Variants in NPTX2 observed in about 807,000 individuals in gnomAD.
The protein encoded by NPTX2 is neuronal pentraxin-2.
In NPTX2, 23 loss-of-function variants were observed where a neutral mutation model predicts 38.1. The ratio of observed to expected loss-of-function variants is 0.60; its 90% CI spans 0.43 to 0.85. The LOEUF is 0.85. Among genes scored for constraint, NPTX2 ranks in the 40% least tolerant of loss-of-function variants. The pLI is 0.00. For missense variants in NPTX2, 553 were observed against 615.3 expected, an observed-to-expected ratio of 0.90 and a Z score of 1.07; for synonymous variants, 291 against 287.3, an observed-to-expected ratio of 1.01 and a Z score of -0.13.
intron 2 of NPTX2, among the ~76,000 whole-genome samples, chr7:98,624,104 G>A (rs1354694845): frequency 1.3e-5 from 2 of 152,120 alleles, no homozygotes; most frequent in Non-Finnish European, 2.9e-5. Flanking sequence ...CCACAGGTGT[G>A]TGCCACCCTA....
At chr7:98,627,123 C>T (rs767117131) in intron 3 of NPTX2, 42 bp from the exon 4 acceptor site, 12 of 1,471,736 alleles carry the variant, frequency 8.2e-6, no homozygotes, top group African/African-American at 5.5e-5. Flanking sequence ...ACCCTGAGGG[C>T]GTGGGCCCAG....
chr7:98,627,434 G>T, intron 4 of NPTX2, 90 bp downstream of exon 4: 1 of 1,105,998 alleles, frequency 9.0e-7, no homozygotes, highest in Non-Finnish European at 1.3e-6. Context: ...GTGCGAGGAG[G>T]GGCCAACTGA....
At chr7:98,624,871 G>T (rs557933421) in intron 2 of NPTX2, 51 bp from the exon 3 acceptor site, 1 of 1,576,332 alleles carries the variant, frequency 6.3e-7, no homozygotes, top group South Asian at 1.2e-5. Context: ...GTGCTGGTGG[G>T]TGGTGGGGTG....
chr7:98,621,799 C>T (rs57704357), intron 2 of NPTX2, among the ~76,000 whole-genome samples: 2,793 of 152,278 alleles, frequency 0.018, 58 homozygotes, highest in African/African-American at 0.044. Context: ...TTAGTTCAGA[C>T]GAGGGACTCA....
chr7:98,620,740 G>A (rs960489983), intron 2 of NPTX2, among the ~76,000 whole-genome samples: 3 of 152,082 alleles, frequency 2.0e-5, no homozygotes, highest in South Asian at 2.1e-4. Context: ...GCGTGGCTCC[G>A]TGGACCCAGC....
At chr7:98,618,101 G>A (rs1040793737) in intron 1 of NPTX2, among the ~76,000 whole-genome samples, 1 of 152,206 alleles carries the variant, frequency 6.6e-6, no homozygotes, top group African/African-American at 2.4e-5. Flanking sequence ...GCTCTTGCTG[G>A]AAGGAAACGT....
chr7:98,618,595 T>TTC (rs1791220273), intron 1 of NPTX2, among the ~76,000 whole-genome samples: 1 of 29,130 alleles, frequency 3.4e-5, no homozygotes, highest in Non-Finnish European at 6.6e-5. Context: ...TCCCCCTCCG[T>TTC]CCCCCCCCCC....
At chr7:98,626,732 C>T (rs960470969) in intron 3 of NPTX2, among the ~76,000 whole-genome samples, 2 of 152,094 alleles carry the variant, frequency 1.3e-5, no homozygotes, top group South Asian at 2.1e-4. Flanking sequence ...TACTCACACA[C>T]GTGCCGCTGC....
intron 1 of NPTX2, 122 bp from the exon 2 acceptor site, chr7:98,619,521 T>A (rs1261504865): frequency 1.3e-6 from 1 of 757,538 alleles, no homozygotes; most frequent in Non-Finnish European, 2.3e-6. Context: ...TGCCTGCCAG[T>A]GGCAAGATTC....
Position 98,628,518 on chromosome 7 carries a change from CACAA to C in NPTX2, c.1189_1192del (p.Asn397CysfsTer101), listed in dbSNP as rs775786188. On this transcript the variant is annotated frameshift_variant, in exon 5 of 5. Coordinates refer to ENST00000265634, the MANE Select transcript of NPTX2 (RefSeq NM_002523.3). LOFTEE classifies it high-confidence loss of function. ...AAATTGTCAACATCGCCAACTGCTC[CACAA>C]ACATGCCGGGCAACATCATCCCGTG... 6.2e-7 allele frequency: 1 copy of C among 1,611,320 alleles called. No individual in the cohort carries two copies. Among genetic ancestry groups the C allele is most frequent in the Non-Finnish European group, 8.5e-7 (1 of 1,178,014 alleles).
intron 2 of NPTX2, among the ~76,000 whole-genome samples, chr7:98,624,129 A>G (rs1791308844): frequency 6.6e-6 from 1 of 152,020 alleles, no homozygotes; most frequent in South Asian, 2.1e-4. Flanking sequence ...GCTAATTTTT[A>G]TATTTTTTGT....
rs1656004533 is a variant in NPTX2 at position 98,628,693 on chromosome 7, A to C, written c.*64A>C. The C allele has an allele frequency of 1.4e-6, 1 of 721,804 alleles. No homozygotes were observed. Among genetic ancestry groups the C allele is most frequent in the Admixed American group, 2.8e-5 (1 of 35,358 alleles). The allele number at this position is 721,804 out of a possible 1,614,324, so 44.7% of individuals were successfully genotyped here. A position where few individuals can be genotyped will look rare whatever the true frequency, so the allele number is the denominator to read the frequency against. ...TTGCCATGGAAGTTCAGGGCCATAG[A>C]CTGCCCCACTTAAACTCTTGTCAGT... On this transcript the variant is annotated 3_prime_UTR_variant, in exon 5 of 5. Transcript: ENST00000265634.
Position 98,620,106 on chromosome 7 carries a change from G to A in NPTX2, c.643+247G>A, listed in dbSNP as rs868488176. On this transcript the variant is annotated intron_variant, in intron 2 of 4. Coordinates refer to ENST00000265634, the MANE Select transcript of NPTX2 (RefSeq NM_002523.3). ...AGCTTCGATAAGCAACCACACGGGC[G>A]TTTCAGTCCTTTGTTAACTAGTCCT... The A allele has an allele frequency of 1.3e-4, 71 of 549,648 alleles. No homozygotes were observed. In the Middle Eastern group the frequency reaches 1.5e-3, roughly 11 times the overall value. The allele number at this position is 549,648 out of a possible 1,614,324, so 34.0% of individuals were successfully genotyped here. A position where few individuals can be genotyped will look rare whatever the true frequency, so the allele number is the denominator to read the frequency against.
At chr7:98,620,125 T>C (rs1402485345) in intron 2 of NPTX2, 1 of 506,548 alleles carries the variant, frequency 2.0e-6, no homozygotes, top group Non-Finnish European at 3.6e-6. Context: ...CTTTGTTAAC[T>C]AGTCCTGGCA....
At chr7:98,626,875 C>T (rs941747639) in intron 3 of NPTX2, among the ~76,000 whole-genome samples, 6 of 152,300 alleles carry the variant, frequency 3.9e-5, no homozygotes, top group Middle Eastern at 3.4e-3. Context: ...GCTGACTTCC[C>T]GAGTTTCTCT....
intron 3 of NPTX2, among the ~76,000 whole-genome samples, chr7:98,626,928 C>T (rs960772719): frequency 1.3e-5 from 2 of 152,204 alleles, no homozygotes; most frequent in Non-Finnish European, 2.9e-5. Context: ...TTGACCCTCA[C>T]ATCTGTTCGG....
chr7:98,624,804 C>A, intron 2 of NPTX2, 118 bp from the exon 3 acceptor site: 1 of 1,268,458 alleles, frequency 7.9e-7, no homozygotes, highest in Non-Finnish European at 1.1e-6. Flanking sequence ...GCTGGAGGGT[C>A]CATCAAGGCT....
rs889546503 is a variant in NPTX2 at position 98,617,533 on chromosome 7, T to C, written c.72T>C (p.Gly24=). 108 of 1,418,832 alleles carry C rather than the reference T, an allele frequency of 7.6e-5. No homozygotes were observed. In the African/African-American group the frequency reaches 1.4e-3, roughly 18 times the overall value. 87.9% of individuals were successfully genotyped at this position (1,418,832 alleles called of 1,614,324 possible). A position where few individuals can be genotyped will look rare whatever the true frequency, so the allele number is the denominator to read the frequency against. The change falls in exon 1 of 5, where the codon GGT becomes GGC. Residue 24 remains glycine, a synonymous_variant. Coordinates refer to ENST00000265634, the MANE Select transcript of NPTX2 (RefSeq NM_002523.3). ...AAGAQDSPAP[G]SRFVCTALPP... is the part of the protein sequence containing the mutation. ...GGGCCCAGGACAGCCCGGCGCCCGG[T>C]AGCCGCTTCGTGTGCACGGCACTGC...
chr7:98,621,660 G>C (rs1791272009), intron 2 of NPTX2, among the ~76,000 whole-genome samples: 2 of 152,174 alleles, frequency 1.3e-5, no homozygotes, highest in African/African-American at 4.8e-5. Flanking sequence ...CTCACTACAG[G>C]CAGGGGGCCT....
Sources: allele counts gnomAD v4.1 joint callset (sites outside exome capture counted in the v4.1 genomes callset), GRCh38; gene constraint gnomAD v4.1.1; transcripts MANE v1.5; gene names NCBI Gene and HGNC (gene_info 2026-07-23, HGNC 2026-07-21).